Variants in SNTG2 observed in about 807,000 individuals in gnomAD.
SNTG2 encodes syntrophin gamma 2, also known as gamma-2-syntrophin.
In SNTG2, 74 loss-of-function variants were observed where a neutral mutation model predicts 70.9. That is an observed-to-expected ratio of 1.04 (90% CI 0.86 to 1.27). The LOEUF (loss-of-function observed/expected upper bound fraction) is 1.27, where lower values mean the gene tolerates loss of function less well. Ranked by LOEUF, SNTG2 falls within the 50% of genes most tolerant of loss-of-function variation. The probability of loss-of-function intolerance (pLI) is 0.00; values close to 1 mark genes in which losing one functional copy is unlikely to be tolerated. For missense variants in SNTG2, 717 were observed against 690.7 expected (o/e 1.04, Z -0.43); for synonymous variants, 278 against 273.8 (o/e 1.02, Z -0.15).
chr2:1,081,580 C>T (rs1032881306), intron 1 of SNTG2, among the ~76,000 whole-genome samples: 2 of 152,254 alleles, frequency 1.3e-5, no homozygotes, highest in Non-Finnish European at 2.9e-5. Context: ...CTGGGTCCAG[C>T]CACACCCCAT....
chr2:1,137,889 T>C (rs1558444418), intron 6 of SNTG2, 80 bp downstream of exon 6: 2 of 1,304,776 alleles, frequency 1.5e-6, no homozygotes, highest in East Asian at 4.7e-5. Context: ...GATATTTCAC[T>C]GAGTCTATCC....
chr2:1,193,901 G>T (rs1359370069), intron 8 of SNTG2, among the ~76,000 whole-genome samples: 4 of 152,318 alleles, frequency 2.6e-5, no homozygotes, highest in Admixed American at 2.6e-4. Flanking sequence ...TTTGTAGTTG[G>T]TATATTCTGA....
At chr2:1,365,964 C>T (rs1573041215) in intron 16 of SNTG2, among the ~76,000 whole-genome samples, 1 of 152,144 alleles carries the variant, frequency 6.6e-6, no homozygotes, top group East Asian at 1.9e-4. Flanking sequence ...CCATTCTCCA[C>T]CCCCTCATTC....
intron 15 of SNTG2, among the ~76,000 whole-genome samples, chr2:1,309,358 G>A (rs1680866645): frequency 3.3e-5 from 5 of 152,222 alleles, no homozygotes; most frequent in African/African-American, 1.2e-4. Flanking sequence ...GTAGGTTAAT[G>A]AGCACTGGGA....
chr2:1,220,944 G>T (rs978049237), intron 9 of SNTG2, among the ~76,000 whole-genome samples: 1 of 152,206 alleles, frequency 6.6e-6, no homozygotes, highest in Non-Finnish European at 1.5e-5. Context: ...TCCTGAGTTT[G>T]CTCTGATAGA....
chr2:993,070 C>CTTTTTT (rs59134628), intron 1 of SNTG2, among the ~76,000 whole-genome samples: 1 of 140,486 alleles, frequency 7.1e-6, no homozygotes, highest in Non-Finnish European at 1.5e-5. Flanking sequence ...TTTGTGGGTT[C>CTTTTTT]TTTTTTTTTT....
At chr2:1,275,371 A>G (rs1192798790) in intron 14 of SNTG2, among the ~76,000 whole-genome samples, 2 of 152,262 alleles carry the variant, frequency 1.3e-5, no homozygotes, top group Non-Finnish European at 2.9e-5. Context: ...CCATTTTTCC[A>G]GCAGTCTGTG....
chr2:1,203,673 A>AAAAATATATATAT (rs1451954919), intron 8 of SNTG2, among the ~76,000 whole-genome samples: 78 of 115,484 alleles, frequency 6.8e-4, no homozygotes, highest in African/African-American at 2.4e-3. Flanking sequence ...CAAAAAAAAA[A>AAAAATATATATAT]ATATATATAT....
At chr2:986,067 T>TAGAG (rs10633277) in intron 1 of SNTG2, among the ~76,000 whole-genome samples, 34,578 of 129,406 alleles carry the variant, frequency 0.27, 5,085 homozygotes, top group Non-Finnish European at 0.33. Context: ...CTGCAAATAA[T>TAGAG]AGAGAGAGAG....
chr2:1,123,459 T>C (rs1667507911), intron 4 of SNTG2, among the ~76,000 whole-genome samples: 1 of 152,180 alleles, frequency 6.6e-6, no homozygotes, highest in Non-Finnish European at 1.5e-5. Flanking sequence ...CAATGGAGAA[T>C]GTATAGTCTT....
At chr2:963,231 A>T (rs563381503) in intron 1 of SNTG2, among the ~76,000 whole-genome samples, 1 of 152,192 alleles carries the variant, frequency 6.6e-6, no homozygotes, top group Non-Finnish European at 1.5e-5. Flanking sequence ...CAAAATAGGT[A>T]CTTTTGAAAA....
intron 1 of SNTG2, among the ~76,000 whole-genome samples, chr2:969,346 AG>A (rs1660666743): frequency 6.6e-6 from 1 of 151,374 alleles, no homozygotes; most frequent in Non-Finnish European, 1.5e-5. Flanking sequence ...TGGCTATTCA[AG>A]CTCTTTTTTT....
At chr2:1,347,613 C>G (rs983649777) in intron 16 of SNTG2, among the ~76,000 whole-genome samples, 2 of 152,330 alleles carry the variant, frequency 1.3e-5, no homozygotes, top group South Asian at 4.1e-4. Context: ...ATGTGTGAAC[C>G]CGTATTTCAC....
At chr2:1,216,008 T>A (rs1346539554) in intron 9 of SNTG2, among the ~76,000 whole-genome samples, 3 of 152,214 alleles carry the variant, frequency 2.0e-5, no homozygotes, top group Non-Finnish European at 4.4e-5. Context: ...AGTGCCACAT[T>A]GAACATACGT....
At chr2:1,283,510 G>T (rs1245317883) in intron 14 of SNTG2, among the ~76,000 whole-genome samples, 4 of 152,258 alleles carry the variant, frequency 2.6e-5, no homozygotes, top group African/African-American at 9.6e-5. Context: ...CCTGGACAGG[G>T]CCCACAGTCC....
chr2:1,132,331 A>C (rs1327723728), intron 4 of SNTG2, among the ~76,000 whole-genome samples: 3 of 152,058 alleles, frequency 2.0e-5, no homozygotes, highest in Non-Finnish European at 4.4e-5. Context: ...ACACCCAAGA[A>C]CACAAATACA....
At chr2:1,096,022 C>G (rs181880240) in intron 2 of SNTG2, among the ~76,000 whole-genome samples, 70 of 152,278 alleles carry the variant, frequency 4.6e-4, no homozygotes, top group African/African-American at 1.4e-3. Flanking sequence ...ATGAACCCCC[C>G]CTTGGTTCTG....
rs561204282 is a variant in SNTG2, at chr2:1,213,547, G to T, written c.719+4317G>T. On this transcript the variant is annotated intron_variant, in intron 9 of 16. Coordinates refer to ENST00000308624, the MANE Select transcript of SNTG2 (RefSeq NM_018968.4). The stretch of plus-strand genomic sequence containing the variant: ...TATTTGCCCAATTATTTCATTCAGG[G>T]TTGGGGAGACTGGAGTCTGTGCTGG... Among the ~76,000 whole-genome samples, 28 of 152,318 alleles carry T rather than the reference G, an allele frequency of 1.8e-4. No individual in the cohort carries two copies. In the South Asian group the frequency reaches 5.4e-3, roughly 29 times the overall value.
chr2:1,328,043 A>G (rs1008218944), intron 16 of SNTG2, among the ~76,000 whole-genome samples: 1 of 152,136 alleles, frequency 6.6e-6, no homozygotes, highest in Non-Finnish European at 1.5e-5. Context: ...GGGAGCCAGC[A>G]CGTCACACAG....
Sources: gnomAD v4.1 joint callset for allele counts (sites outside exome capture counted in the v4.1 genomes callset) on GRCh38, gnomAD v4.1.1 for gene constraint, MANE v1.5 for transcripts, NCBI Gene and HGNC (gene_info 2026-07-23, HGNC 2026-07-21) for gene names.